The following DMGDH variants were observed in gnomAD, a reference collection of about 807,000 sequenced individuals.
The protein encoded by DMGDH is dimethylglycine dehydrogenase, mitochondrial.
Under a neutral mutation model 95.2 loss-of-function variants are expected in DMGDH, and 76 were observed. The ratio of observed to expected loss-of-function variants is 0.80; its 90% CI spans 0.66 to 0.97. The LOEUF is 0.97. DMGDH is among the 50% of genes least tolerant of loss of function. The probability of loss-of-function intolerance (pLI) is 0.00; values close to 1 mark genes in which losing one functional copy is unlikely to be tolerated. For synonymous variants in DMGDH, 345 were observed against 377.6 expected (o/e 0.91, Z 1.00); for missense variants, 987 against 1,055.0 (o/e 0.94, Z 0.89).
chr5:79,022,438 C>T (rs1187684229), intron 14 of DMGDH, among the ~76,000 whole-genome samples: 1 of 152,164 alleles, frequency 6.6e-6, no homozygotes, highest in Non-Finnish European at 1.5e-5. Flanking sequence ...TGGAGATTAG[C>T]AAGCATCATT....
rs752680580 is a variant in DMGDH at position 78,998,243 on chromosome 5, C to T, written c.2440G>A (p.Ala814Thr). 2 of 1,614,158 alleles carry T rather than the reference C, an allele frequency of 1.2e-6. No individual in the cohort carries two copies. The highest frequency in any genetic ancestry group is 1.7e-6 in the Non-Finnish European group (2 of 1,180,034). Residue 814 changes from alanine (A) to threonine (T), a missense_variant, in exon 16 of 16, where the codon GCT becomes ACT. Ala to Thr is a moderately conservative substitution (Grantham distance 58, BLOSUM62 0). Coordinates refer to ENST00000255189, the MANE Select transcript of DMGDH (RefSeq NM_013391.3). The part of the protein sequence containing the change: ...SYSYSIQKSL[A>T]FAYVPVQLSE... ...AGTTGTACAGGGACATATGCGAAAG[C>T]CAGACTCTTCTGGATGCTGTAGCTA...
chr5:79,014,413 A>G (rs571061990), intron 14 of DMGDH, among the ~76,000 whole-genome samples: 4 of 152,236 alleles, frequency 2.6e-5, no homozygotes, highest in Non-Finnish European at 5.9e-5. Flanking sequence ...CAACTATAAT[A>G]TAGAGTTTTC....
intron 7 of DMGDH, among the ~76,000 whole-genome samples, chr5:79,038,993 C>G (rs1754426047): frequency 6.6e-6 from 1 of 151,378 alleles, no homozygotes; most frequent in South Asian, 2.1e-4. Flanking sequence ...AAATGCAAAT[C>G]AAAACCACAA....
At position 79,051,484 on chromosome 5, in the gene DMGDH, G is replaced by A. The variant is rs748727014; in HGVS notation, c.548C>T (p.Ala183Val). Reference protein sequence around the residue: ...FPLLNMNKVLAGLYNPGDGHI... With the variant: ...FPLLNMNKVLVGLYNPGDGHI... Reference sequence around the variant, plus strand: ...ACCATCTCCAGGATTATACAATCCAGCTAAAACCTAAATCAATCATACCAG... The same window carrying A: ...ACCATCTCCAGGATTATACAATCCAACTAAAACCTAAATCAATCATACCAG... Residue 183 changes from alanine (A) to valine (V), a missense_variant, in exon 5 of 16, where the codon GCT becomes GTT. Physicochemically the swap from Ala to Val is moderately conservative, Grantham distance 64. Coordinates refer to ENST00000255189, the MANE Select transcript of DMGDH (RefSeq NM_013391.3). The A allele has an allele frequency of 3.7e-6, 6 of 1,613,948 alleles. No individual in the cohort carries two copies. In the South Asian group the frequency reaches 6.6e-5, roughly 18 times the overall value.
chr5:79,037,734 T>C (rs760814718), intron 7 of DMGDH, among the ~76,000 whole-genome samples: 1 of 152,180 alleles, frequency 6.6e-6, no homozygotes, highest in East Asian at 1.9e-4. Context: ...TAATAGGTGT[T>C]CCACATGAGA....
intron 12 of DMGDH, among the ~76,000 whole-genome samples, chr5:79,027,838 T>C (rs898330924): frequency 7.8e-6 from 1 of 128,428 alleles, no homozygotes; most frequent in African/African-American, 3.4e-5. Context: ...TTCCCCACTT[T>C]TCTTTTTTTT....
chr5:79,032,725 C>T lies in DMGDH; in HGVS notation c.1479G>A (p.Pro493=), dbSNP rs762477431. Residue 493 remains proline (P), a synonymous_variant, in exon 9 of 16, where the codon CCG becomes CCA. Transcript: ENST00000255189. ...CCTGGCCTGGTTTGTAGAACCAGTG[C>T]GGCTGCTCCCAGCCAGCATGGAACC... ...SMGFHAGWEQ[P]HWFYKPGQDT... The T allele has an allele frequency of 1.7e-5, 27 of 1,614,048 alleles. No individual in the cohort carries two copies. The highest frequency in any genetic ancestry group is 2.2e-5 in the East Asian group (1 of 44,894).
intron 14 of DMGDH, chr5:79,020,801 A>G: frequency 1.0e-6 from 1 of 985,420 alleles, no homozygotes; most frequent in Non-Finnish European, 1.2e-6. Flanking sequence ...GAAACATATT[A>G]TAGAAAACAA....
intron 9 of DMGDH, among the ~76,000 whole-genome samples, chr5:79,031,752 T>A (rs1754184275): frequency 6.6e-6 from 1 of 152,238 alleles, no homozygotes; most frequent in Non-Finnish European, 1.5e-5. Context: ...CAGGATGCTA[T>A]GTCTGTAACA....
At chr5:79,044,621 T>C in intron 5 of DMGDH, 69 bp from the exon 6 acceptor site, 1 of 1,547,722 alleles carries the variant, frequency 6.5e-7, no homozygotes, top group Non-Finnish European at 8.8e-7. Flanking sequence ...CATATAGCAA[T>C]TTATATTAGA....
intron 14 of DMGDH, among the ~76,000 whole-genome samples, chr5:79,011,744 G>A (rs967636158): frequency 2.0e-5 from 3 of 152,120 alleles, no homozygotes; most frequent in African/African-American, 7.2e-5. Context: ...GAGATAGAGT[G>A]CAGAAAGATA....
chr5:79,042,461 CAA>C lies in DMGDH; in HGVS notation c.1013_1014del (p.Phe338Ter). ...TCCATGATTCGATCTAGATCAGACT[CAA>C]AGAGTTCCTTTCCAAAACCTAAAAA... ...GVPPGFGKEL[F>X]ESDLDRIMEH... On this transcript the variant is annotated frameshift_variant, in exon 7 of 16. Transcript: ENST00000255189. LOFTEE classifies it high-confidence loss of function. The C allele has an allele frequency of 6.2e-7, 1 of 1,614,144 alleles. No individual in the cohort carries two copies.
chr5:79,043,419 A>C (rs546472911), intron 6 of DMGDH, among the ~76,000 whole-genome samples: 1 of 152,362 alleles, frequency 6.6e-6, no homozygotes, highest in East Asian at 1.9e-4. Context: ...AAATGTGCAG[A>C]GCCCACTCAG....
chr5:79,069,568 G>C lies in DMGDH; in HGVS notation c.53C>G (p.Pro18Arg), dbSNP rs979065177. 17 of 1,347,366 alleles carry C rather than the reference G, an allele frequency of 1.3e-5. No homozygotes were observed. The Admixed American group carries it at 1.6e-4, about 13-fold the overall frequency. The allele number at this position is 1,347,366 out of a possible 1,614,324, so 83.5% of individuals were successfully genotyped here. ...CGGGCGCCCGGGGGAGCCCTGCAGC[G>C]GGCAGCTCCGCAGCAGGAGGCCCCG... ...LLRGLLLRSC[P>R]LQGSPGRPRS... The change falls in exon 1 of 16, where the codon CCG (proline) becomes CGG (arginine). Residue 18 changes from proline to arginine, a missense_variant. Coordinates refer to ENST00000255189, the MANE Select transcript of DMGDH (RefSeq NM_013391.3).
chr5:79,013,646 CT>C (rs1471323211), intron 14 of DMGDH, among the ~76,000 whole-genome samples: 1 of 152,144 alleles, frequency 6.6e-6, no homozygotes, highest in Admixed American at 6.5e-5. Flanking sequence ...ATTTAATTGG[CT>C]CACAGTTCTG....
intron 15 of DMGDH, among the ~76,000 whole-genome samples, chr5:79,003,449 C>T (rs1380352310): frequency 6.6e-6 from 1 of 152,012 alleles, no homozygotes; most frequent in Non-Finnish European, 1.5e-5. Flanking sequence ...AGATACAGAA[C>T]AGAAAGAGAA....
At chr5:79,000,039 A>G (rs1433675455) in intron 15 of DMGDH, 1 of 302,560 alleles carries the variant, frequency 3.3e-6, no homozygotes, top group East Asian at 7.2e-5. Flanking sequence ...TGTTGGAAGA[A>G]TTGTCACCTC....
chr5:79,026,441 TGAA>T lies in DMGDH; in HGVS notation c.2170_2172del (p.Phe724del), dbSNP rs1000106992. ...TTTCAAACCTCTAACCCCCAGGCTC[TGAA>T]GGCTTTCTCCAGGCGTAAGGCATTC... On this transcript the variant is annotated inframe_deletion, in exon 13 of 16. Coordinates refer to ENST00000255189, the MANE Select transcript of DMGDH (RefSeq NM_013391.3). The T allele has an allele frequency of 1.2e-6, 2 of 1,614,082 alleles. No individual in the cohort carries two copies. The highest frequency in any genetic ancestry group is 1.7e-6 in the Non-Finnish European group (2 of 1,180,020).
At chr5:79,027,300 C>G (rs1361399203) in intron 12 of DMGDH, among the ~76,000 whole-genome samples, 2 of 152,092 alleles carry the variant, frequency 1.3e-5, no homozygotes, top group African/African-American at 4.8e-5. Context: ...GCTGGGATTA[C>G]AGGTATGAGC....
Sources: allele counts gnomAD v4.1 joint callset (sites outside exome capture counted in the v4.1 genomes callset), GRCh38; gene constraint gnomAD v4.1.1; transcripts MANE v1.5; gene names NCBI Gene and HGNC (gene_info 2026-07-23, HGNC 2026-07-21).